The following ARL15 variants were observed in gnomAD, a reference collection of about 807,000 sequenced individuals.
ARL15 encodes the protein ARF like GTPase 15.
A neutral mutation model predicts 25.2 loss-of-function variants in ARL15; 19 were observed. That is an observed-to-expected ratio of 0.75 (90% CI 0.53 to 1.10). The LOEUF (loss-of-function observed/expected upper bound fraction) is 1.10, where lower values mean the gene tolerates loss of function less well. Ranked by LOEUF, ARL15 falls within the 50% of genes least tolerant of loss-of-function variation. The pLI is 0.00. For synonymous variants in ARL15, 94 were observed against 86.8 expected (o/e 1.08, Z -0.46); for missense variants, 220 against 246.0 (o/e 0.89, Z 0.71).
At chr5:53,902,010 A>C (rs765743624) in intron 4 of ARL15, among the ~76,000 whole-genome samples, 6 of 152,242 alleles carry the variant, frequency 3.9e-5, no homozygotes, top group Non-Finnish European at 7.3e-5. Context: ...TTCAAATCCA[A>C]CATTTGCCTC....
At chr5:54,283,539 A>T (rs528769316) in intron 1 of ARL15, among the ~76,000 whole-genome samples, 2 of 149,500 alleles carry the variant, frequency 1.3e-5, no homozygotes, top group East Asian at 4.0e-4. Context: ...CTGTAACATT[A>T]TTGGGTTTAT....
intron 3 of ARL15, among the ~76,000 whole-genome samples, chr5:54,129,557 A>T (rs1485298577): frequency 6.6e-6 from 1 of 152,228 alleles, no homozygotes; most frequent in Non-Finnish European, 1.5e-5. Flanking sequence ...CAGAACAGAA[A>T]TTAAAAGCGT....
chr5:53,925,911 A>AG (rs1201177225), intron 4 of ARL15, among the ~76,000 whole-genome samples: 6 of 151,970 alleles, frequency 3.9e-5, no homozygotes, highest in Non-Finnish European at 8.8e-5. Context: ...TCGTAAACAT[A>AG]GGAGGGATTC....
intron 4 of ARL15, among the ~76,000 whole-genome samples, chr5:53,897,851 C>T (rs894616012): frequency 2.6e-5 from 4 of 152,130 alleles, no homozygotes; most frequent in African/African-American, 7.2e-5. Flanking sequence ...GGGGTGCTGA[C>T]GGCCACACAG....
intron 4 of ARL15, among the ~76,000 whole-genome samples, chr5:53,993,488 T>G (rs781648840): frequency 1.3e-5 from 2 of 152,208 alleles, no homozygotes; most frequent in Non-Finnish European, 2.9e-5. Context: ...GATGACAGTT[T>G]TGCAATCATC....
rs66536824 is a variant in ARL15, at chr5:53,907,490, T to A, written c.463-20777A>T. Among the ~76,000 whole-genome samples the A allele has an allele frequency of 5.1e-3, 156 of 30,344 alleles. 1 individual carries two copies. Among genetic ancestry groups the A allele is most frequent in the African/African-American group, 7.0e-3 (51 of 7,304 alleles). 19.9% of individuals were successfully genotyped at this position (30,344 alleles called of 152,430 possible). ...TATATATATATATATATATATATAT[T>A]TTTTTTTTTTTTTTTTTTTTTTTTT... is the stretch of plus-strand genomic sequence containing the variant. On this transcript the variant is annotated intron_variant, in intron 4 of 4. Transcript: ENST00000504924.
intron 1 of ARL15, among the ~76,000 whole-genome samples, chr5:54,240,218 C>T (rs1262067180): frequency 2.2e-5 from 3 of 135,438 alleles, no homozygotes; most frequent in African/African-American, 8.1e-5. Flanking sequence ...CAGAGCGAGA[C>T]TCCATCTCAA....
intron 4 of ARL15, among the ~76,000 whole-genome samples, chr5:53,898,002 A>T (rs1313051893): frequency 1.3e-5 from 2 of 152,086 alleles, no homozygotes. Flanking sequence ...GCTAGAGAAA[A>T]TAAAATGTCA....
At chr5:54,150,838 A>G (rs1754044528) in intron 3 of ARL15, among the ~76,000 whole-genome samples, 1 of 139,062 alleles carries the variant, frequency 7.2e-6, no homozygotes, top group South Asian at 2.8e-4. Flanking sequence ...TGTTTTACCA[A>G]CACACTGTTA....
intron 1 of ARL15, among the ~76,000 whole-genome samples, chr5:54,207,304 C>T (rs2112497329): frequency 6.6e-6 from 1 of 152,252 alleles, no homozygotes; most frequent in African/African-American, 2.4e-5. Context: ...AAAACTCCTC[C>T]AGAAGAGATA....
At chr5:54,261,825 A>G (rs1757504839) in intron 1 of ARL15, among the ~76,000 whole-genome samples, 1 of 152,094 alleles carries the variant, frequency 6.6e-6, no homozygotes, top group Non-Finnish European at 1.5e-5. Context: ...ATCATCTAGG[A>G]ATGAACAAGC....
At chr5:54,018,910 T>C (rs1343765546) in intron 4 of ARL15, among the ~76,000 whole-genome samples, 2 of 152,168 alleles carry the variant, frequency 1.3e-5, no homozygotes, top group Admixed American at 1.3e-4. Flanking sequence ...GTTCCCAATG[T>C]TGTTGTTTTT....
At chr5:54,006,536 C>T (rs957536528) in intron 4 of ARL15, among the ~76,000 whole-genome samples, 6 of 151,466 alleles carry the variant, frequency 4.0e-5, no homozygotes, top group African/African-American at 1.5e-4. Flanking sequence ...CTGCAACCAA[C>T]AGTTTGAAAA....
At chr5:54,149,811 G>C (rs1000267480) in intron 3 of ARL15, among the ~76,000 whole-genome samples, 1 of 152,122 alleles carries the variant, frequency 6.6e-6, no homozygotes, top group Non-Finnish European at 1.5e-5. Flanking sequence ...AAATAATCTA[G>C]AGCAAGACAA....
chr5:53,964,422 T>A (rs954590328), intron 4 of ARL15, among the ~76,000 whole-genome samples: 2 of 152,100 alleles, frequency 1.3e-5, no homozygotes, highest in African/African-American at 2.4e-5. Context: ...TGCAGTGGCG[T>A]GATCTCGGCT....
intron 3 of ARL15, among the ~76,000 whole-genome samples, chr5:54,137,761 A>G (rs1343000250): frequency 1.3e-5 from 2 of 152,210 alleles, no homozygotes; most frequent in East Asian, 1.9e-4. Context: ...ATTTCATCAC[A>G]GCCTATAAAG....
At chr5:53,974,614 G>A (rs1747870920) in intron 4 of ARL15, among the ~76,000 whole-genome samples, 1 of 152,120 alleles carries the variant, frequency 6.6e-6, no homozygotes, top group African/African-American at 2.4e-5. Flanking sequence ...AACATCATTT[G>A]TGTATTTCAA....
intron 4 of ARL15, among the ~76,000 whole-genome samples, chr5:53,930,631 C>G (rs1746168097): frequency 6.6e-6 from 1 of 152,012 alleles, no homozygotes; most frequent in African/African-American, 2.4e-5. Context: ...GCTCAACACT[C>G]CAGGGGAATA....
At chr5:54,079,037 A>C in intron 4 of ARL15, among the ~76,000 whole-genome samples, 1 of 152,308 alleles carries the variant, frequency 6.6e-6, no homozygotes, top group South Asian at 2.1e-4. Context: ...TGTTATTTTT[A>C]AAAAGTAAAC....
Sources: allele counts gnomAD v4.1 joint callset (sites outside exome capture counted in the v4.1 genomes callset), GRCh38; gene constraint gnomAD v4.1.1; transcripts MANE v1.5; gene names NCBI Gene and HGNC (gene_info 2026-07-23, HGNC 2026-07-21).